Variants in CAMK2B observed in about 807,000 individuals in gnomAD.
The protein encoded by CAMK2B is calcium/calmodulin dependent protein kinase II beta.
CAMK2B carries 27 observed loss-of-function variants against 93.7 expected under a neutral mutation model. The ratio of observed to expected loss-of-function variants is 0.29; its 90% CI spans 0.21 to 0.40. The LOEUF (loss-of-function observed/expected upper bound fraction) is 0.40. CAMK2B is among the 10% of genes least tolerant of loss of function. CAMK2B has a pLI of 1.00. For missense variants in CAMK2B, 568 were observed against 895.8 expected (o/e 0.63, Z 4.67); for synonymous variants, 374 against 358.8 (o/e 1.04, Z -0.48).
rs2096751142 is a variant in CAMK2B at position 44,248,418 on chromosome 7, C to T, written c.342-1226G>A. On this transcript the variant is annotated intron_variant, in intron 5 of 23. Transcript: ENST00000395749. The surrounding 1 kb of genome is among the most constrained non-coding windows in gnomAD (Gnocchi z 4.1). ...AGGTGCCCCTGGAGCCCAACACAAG[C>T]CCTTCCCCAGGGACAGCTCCACAAT... 6.6e-6 allele frequency among the ~76,000 whole-genome samples: 1 copy of T among 152,164 alleles called. No individual in the cohort carries two copies. The highest frequency in any genetic ancestry group is 2.4e-5 in the African/African-American group (1 of 41,430).
chr7:44,317,158 G>A (rs1306116177), intron 1 of CAMK2B, among the ~76,000 whole-genome samples: 1 of 148,676 alleles, frequency 6.7e-6, no homozygotes, highest in Non-Finnish European at 1.5e-5. Flanking sequence ...CTGAATAAAT[G>A]AATAAGTCTT....
intron 1 of CAMK2B, among the ~76,000 whole-genome samples, chr7:44,309,380 G>C (rs1017000827): frequency 6.6e-6 from 1 of 152,206 alleles, no homozygotes; most frequent in African/African-American, 2.4e-5. Context: ...GACGGCCCGA[G>C]TACCCGAGCT....
chr7:44,262,382 C>G (rs936032871), intron 3 of CAMK2B, among the ~76,000 whole-genome samples: 1 of 152,244 alleles, frequency 6.6e-6, no homozygotes, highest in African/African-American at 2.4e-5. Flanking sequence ...GCTCCAGATA[C>G]CCCTGTGGAG....
chr7:44,288,372 G>A (rs1402973453), intron 1 of CAMK2B, among the ~76,000 whole-genome samples: 2 of 152,364 alleles, frequency 1.3e-5, no homozygotes, highest in African/African-American at 4.8e-5. Flanking sequence ...TGCCTCTAGG[G>A]TGTGGACCAT....
At chr7:44,298,016 C>G (rs1251875343) in intron 1 of CAMK2B, among the ~76,000 whole-genome samples, 4 of 152,098 alleles carry the variant, frequency 2.6e-5, no homozygotes. Flanking sequence ...CCCAGCTACT[C>G]AGGAGGCTGA....
At chr7:44,262,560 G>A (rs2096888350) in intron 3 of CAMK2B, among the ~76,000 whole-genome samples, 1 of 152,220 alleles carries the variant, frequency 6.6e-6, no homozygotes, top group Non-Finnish European at 1.5e-5. Context: ...TTTTCTTGAG[G>A]CCACAGAATG....
chr7:44,238,087 G>C (rs1479968608), intron 13 of CAMK2B, among the ~76,000 whole-genome samples: 2 of 152,236 alleles, frequency 1.3e-5, no homozygotes, highest in African/African-American at 4.8e-5. Context: ...GCAGAGAACT[G>C]AGCTCCATGC....
chr7:44,251,347 G>T (rs2096778767), intron 5 of CAMK2B, among the ~76,000 whole-genome samples: 1 of 152,000 alleles, frequency 6.6e-6, no homozygotes, highest in Non-Finnish European at 1.5e-5. Context: ...GGGTGCCTCT[G>T]TCAGACTCTC....
intron 15 of CAMK2B, among the ~76,000 whole-genome samples, chr7:44,233,914 G>C (rs2096602076): frequency 6.6e-6 from 1 of 152,250 alleles, no homozygotes; most frequent in Non-Finnish European, 1.5e-5. Context: ...ATGGGCCGTG[G>C]AATGTGCCAC....
chr7:44,319,574 C>G (rs910023192), intron 1 of CAMK2B, among the ~76,000 whole-genome samples: 4 of 152,106 alleles, frequency 2.6e-5, no homozygotes, highest in Non-Finnish European at 5.9e-5. Flanking sequence ...GGCCTTTGAC[C>G]GCGGCAGGAG....
chr7:44,295,490 G>C (rs1476655662), intron 1 of CAMK2B, among the ~76,000 whole-genome samples: 1 of 152,220 alleles, frequency 6.6e-6, no homozygotes, highest in African/African-American at 2.4e-5. Flanking sequence ...TGGAACCAGT[G>C]CTGGGGTAGG....
chr7:44,312,871 G>C lies in CAMK2B; in HGVS notation c.65+12486C>G, dbSNP rs1176671567. On this transcript the variant is annotated intron_variant, in intron 1 of 23. Transcript: ENST00000395749. The surrounding 1 kb of genome is among the most constrained non-coding windows in gnomAD (Gnocchi z 4.1). ...AGCATCAAAATCACTGCTTTTCTCA[G>C]GGTTTTTGACTGGGAGGGGTGTTCT... Among the ~76,000 whole-genome samples, 1 of 152,184 alleles carries C rather than the reference G, an allele frequency of 6.6e-6. No individual in the cohort carries two copies. The highest frequency in any genetic ancestry group is 6.5e-5 in the Admixed American group (1 of 15,282).
intron 1 of CAMK2B, among the ~76,000 whole-genome samples, chr7:44,303,100 C>G (rs1011449131): frequency 6.6e-6 from 1 of 152,082 alleles, no homozygotes; most frequent in Non-Finnish European, 1.5e-5. Context: ...TGTTTTCTTA[C>G]ATATCAGCAA....
intron 13 of CAMK2B, among the ~76,000 whole-genome samples, chr7:44,236,421 A>G (rs1381978463): frequency 6.6e-6 from 1 of 152,170 alleles, no homozygotes; most frequent in African/African-American, 2.4e-5. Flanking sequence ...CCCAGGATCC[A>G]TGGAGAAGTA....
intron 17 of CAMK2B, chr7:44,229,977 G>C (rs2096563125): frequency 6.5e-6 from 1 of 153,280 alleles, no homozygotes; most frequent in Non-Finnish European, 1.5e-5. Flanking sequence ...CCTCCACCTC[G>C]AGAGGCTGCT....
chr7:44,245,100 C>A (rs1021961946), intron 6 of CAMK2B: 19 of 392,806 alleles, frequency 4.8e-5, no homozygotes, highest in Non-Finnish European at 9.8e-5. Flanking sequence ...TGTCCCCCCT[C>A]CCCAGAGGAA....
intron 15 of CAMK2B, among the ~76,000 whole-genome samples, 174 bp from the exon 16 acceptor site, chr7:44,233,040 G>T (rs1356081250): frequency 6.6e-6 from 1 of 152,096 alleles, no homozygotes; most frequent in Admixed American, 6.5e-5. Context: ...TGGAGCAGCT[G>T]GGGGAGGAGC....
At chr7:44,284,288 G>T in intron 1 of CAMK2B, 63 bp from the exon 2 acceptor site, 1 of 1,206,548 alleles carries the variant, frequency 8.3e-7, no homozygotes, top group Non-Finnish European at 1.2e-6. Context: ...AAGAGAGAGA[G>T]CCGATTAATC....
intron 4 of CAMK2B, among the ~76,000 whole-genome samples, chr7:44,258,534 G>A (rs1175003047): frequency 6.6e-6 from 1 of 152,264 alleles, no homozygotes; most frequent in Non-Finnish European, 1.5e-5. Flanking sequence ...GGGCACCAAG[G>A]AAAGGAAGGT....
Sources: gnomAD v4.1 joint callset for allele counts (sites outside exome capture counted in the v4.1 genomes callset) on GRCh38, gnomAD v4.1.1 for gene constraint, Gnocchi (gnomAD v3.1) non-coding constraint, MANE v1.5 for transcripts, NCBI Gene and HGNC (gene_info 2026-07-23, HGNC 2026-07-21) for gene names.